The following CLSPN variants were observed in gnomAD, a reference collection of about 807,000 sequenced individuals.
CLSPN encodes claspin.
CLSPN carries 85 observed loss-of-function variants against 156.3 expected under a neutral mutation model. That is an observed-to-expected ratio of 0.54 (90% CI 0.46 to 0.65). The LOEUF is 0.65. CLSPN is among the 30% of genes least tolerant of loss of function. CLSPN has a pLI of 0.00. For missense variants in CLSPN, 1,407 were observed against 1,554.9 expected, an observed-to-expected ratio of 0.90 and a Z score of 1.60; for synonymous variants, 534 against 542.4, an observed-to-expected ratio of 0.98 and a Z score of 0.22.
At position 35,753,871 on chromosome 1, in the gene CLSPN, G is replaced by A; in HGVS notation, c.1645C>T (p.Gln549Ter). ...ANPAAKPRAG[Q>*]TVNVNVIVKD... ...ACTATGACGTTCACATTCACTGTCT[G>A]ACCAGCCCTGGGTTTGGCTGCTGGA... is the stretch of plus-strand genomic sequence containing the variant. Residue 549 changes from glutamine to a stop codon, truncating the protein, a stop_gained, in exon 9 of 25, where the codon CAG (glutamine) becomes TAG (stop). Coordinates refer to ENST00000318121, the MANE Select transcript of CLSPN (RefSeq NM_022111.4). LOFTEE classifies it high-confidence loss of function. 3.1e-6 allele frequency: 5 copies of A among 1,614,150 alleles called. No individual in the cohort carries two copies. Among genetic ancestry groups the A allele is most frequent in the Non-Finnish European group, 4.2e-6 (5 of 1,180,030 alleles).
intron 16 of CLSPN, 125 bp from the exon 17 acceptor site, chr1:35,743,655 G>T: frequency 1.5e-6 from 1 of 665,246 alleles, no homozygotes; most frequent in South Asian, 1.9e-5. Context: ...AGACAGTCTT[G>T]GTCTCTTACA....
At chr1:35,720,707 A>G in exon 25 of CLSPN, 1 of 395,820 alleles carries the variant, frequency 2.5e-6, no homozygotes. Flanking sequence ...CGGCCTCCCA[A>G]AGTGCTGGGA....
At position 35,732,460 on chromosome 1, in the gene CLSPN, C is replaced by T. The variant is rs1641341403; in HGVS notation, c.*4036G>A. On this transcript the variant is annotated 3_prime_UTR_variant, in exon 25 of 25. Coordinates refer to ENST00000318121, the MANE Select transcript of CLSPN (RefSeq NM_022111.4). ...GAGGGATGCCACAGAGATCTGAGTA[C>T]CTTGTCTCTAGAGCTTTGGTGAATA... The T allele has an allele frequency of 2.0e-6, 2 of 985,336 alleles. No homozygotes were observed. Among genetic ancestry groups the T allele is most frequent in the Non-Finnish European group, 2.4e-6 (2 of 829,908 alleles). 61.0% of individuals were successfully genotyped at this position (985,336 alleles called of 1,614,324 possible). A position where few individuals can be genotyped will look rare whatever the true frequency, so the allele number is the denominator to read the frequency against.
At position 35,733,469 on chromosome 1, in the gene CLSPN, A is replaced by C. The variant is rs1571187973; in HGVS notation, c.*3027T>G. 4.1e-6 allele frequency: 4 copies of C among 985,096 alleles called. No individual in the cohort carries two copies. The highest frequency in any genetic ancestry group is 4.8e-6 in the Non-Finnish European group (4 of 829,844). 61.0% of individuals were successfully genotyped at this position (985,096 alleles called of 1,614,324 possible). ...CTGAATTTTCTTATCCTCAGTTGTC[A>C]ATTCCAATTGTCTTTTCTATCTCTC... On this transcript the variant is annotated 3_prime_UTR_variant, in exon 25 of 25. Transcript: ENST00000318121.
downstream of CLSPN, among the ~76,000 whole-genome samples, chr1:35,730,407 T>C (rs557194887): frequency 2.1e-4 from 32 of 151,264 alleles, no homozygotes; most frequent in Non-Finnish European, 4.1e-4. Context: ...AGCTGGGCAC[T>C]AAAAACACAA....
Position 35,736,048 on chromosome 1 carries a change from T to C in CLSPN, c.*448A>G, listed in dbSNP as rs559936651. 6.5e-4 allele frequency: 416 copies of C among 639,684 alleles called. 1 individual carries two copies. Among genetic ancestry groups the C allele is most frequent in the Middle Eastern group, 7.8e-4 (1 of 1,284 alleles). The allele number at this position is 639,684 out of a possible 1,614,324, so 39.6% of individuals were successfully genotyped here. On this transcript the variant is annotated 3_prime_UTR_variant, in exon 25 of 25. Coordinates refer to ENST00000318121, the MANE Select transcript of CLSPN (RefSeq NM_022111.4). Reference sequence around the variant, plus strand: ...GCCTGGCCAACATGGTGAAACCCCGTCTCTACTAAAAATACAAAAATTAGC... The same window carrying C: ...GCCTGGCCAACATGGTGAAACCCCGCCTCTACTAAAAATACAAAAATTAGC...
At position 35,739,665 on chromosome 1, in the gene CLSPN, AAT is replaced by A. The variant is rs1641624932; in HGVS notation, c.3144-138_3144-137del. The A allele has an allele frequency of 4.9e-6, 3 of 614,810 alleles. No homozygotes were observed. In the Admixed American group the frequency reaches 1.1e-4, roughly 22 times the overall value. The allele number at this position is 614,810 out of a possible 1,614,324, so 38.1% of individuals were successfully genotyped here. A position where few individuals can be genotyped will look rare whatever the true frequency, so the allele number is the denominator to read the frequency against. On this transcript the variant is annotated intron_variant, in intron 18 of 24. Coordinates refer to ENST00000318121, the MANE Select transcript of CLSPN (RefSeq NM_022111.4). ...TTTGATAATATTTAAATTTTTTTGT[AAT>A]AGTCTCCACTTATGATGGTTTGACT... is the stretch of plus-strand genomic sequence containing the variant.
chr1:35,725,738 G>A (rs1641168246), intron 24 of CLSPN, among the ~76,000 whole-genome samples: 1 of 152,192 alleles, frequency 6.6e-6, no homozygotes, highest in South Asian at 2.1e-4. Flanking sequence ...GGGGAGCTGG[G>A]TGTATAAACC....
rs957165723 is a variant in CLSPN, at chr1:35,748,136, T to C, written c.2473-75A>G. ...GTCATTGTCATGACAACCACAAAAG[T>C]TGCTATTTGCAATATTTAAGCTACT... On this transcript the variant is annotated intron_variant, in intron 13 of 24. Transcript: ENST00000318121. 31 of 1,516,804 alleles carry C rather than the reference T, an allele frequency of 2.0e-5. 1 individual carries two copies. Among genetic ancestry groups the C allele is most frequent in the South Asian group, 1.9e-4 (15 of 79,846 alleles). 94.0% of individuals were successfully genotyped at this position (1,516,804 alleles called of 1,614,324 possible).
At chr1:35,744,588 G>A (rs1641810637) in intron 16 of CLSPN, among the ~76,000 whole-genome samples, 1 of 152,102 alleles carries the variant, frequency 6.6e-6, no homozygotes, top group South Asian at 2.1e-4. Context: ...GAGCCACCAT[G>A]CCCAGCCAGA....
chr1:35,750,411 T>C (rs1176785231), intron 10 of CLSPN, among the ~76,000 whole-genome samples: 1 of 151,526 alleles, frequency 6.6e-6, no homozygotes, highest in East Asian at 1.9e-4. Context: ...TTTTTTTTTT[T>C]CTTTTTTTGA....
downstream of CLSPN, among the ~76,000 whole-genome samples, chr1:35,731,728 A>G (rs1338535725): frequency 6.6e-6 from 1 of 152,202 alleles, no homozygotes; most frequent in Admixed American, 6.5e-5. Flanking sequence ...TTGTCTGATT[A>G]CAGGATTAAA....
At chr1:35,761,827 A>G (rs1182443817) in intron 6 of CLSPN, among the ~76,000 whole-genome samples, 171 bp downstream of exon 6, 1 of 152,202 alleles carries the variant, frequency 6.6e-6, no homozygotes, top group East Asian at 1.9e-4. Flanking sequence ...AGTTTATACT[A>G]ATGTTCCAAG....
At chr1:35,720,818 A>T in exon 25 of CLSPN, 2 of 1,076,590 alleles carry the variant, frequency 1.9e-6, no homozygotes, top group Non-Finnish European at 2.8e-6. Context: ...CCACAGAGCC[A>T]TAAAGTCATC....
chr1:35,748,179 G>A, intron 13 of CLSPN, 118 bp from the exon 14 acceptor site: 2 of 1,192,260 alleles, frequency 1.7e-6, no homozygotes, highest in Non-Finnish European at 2.4e-6. Context: ...AATTGTAGTT[G>A]AGGGGGACAA....
Position 35,736,220 on chromosome 1 carries a change from A to T in CLSPN, c.*276T>A. 2 of 543,102 alleles carry T rather than the reference A, an allele frequency of 3.7e-6. No homozygotes were observed. Among genetic ancestry groups the T allele is most frequent in the East Asian group, 1.2e-4 (1 of 8,118 alleles). The allele number at this position is 543,102 out of a possible 1,614,324, so 33.6% of individuals were successfully genotyped here. A position where few individuals can be genotyped will look rare whatever the true frequency, so the allele number is the denominator to read the frequency against. Reference sequence around the variant, plus strand: ...GCAACAGAGTGAGACTCCCATCTTAAAAAAAAAAAAAAAAAGGAAACCTCA... The same window carrying T: ...GCAACAGAGTGAGACTCCCATCTTATAAAAAAAAAAAAAAAGGAAACCTCA... On this transcript the variant is annotated 3_prime_UTR_variant, in exon 25 of 25. Transcript: ENST00000318121.
chr1:35,765,805 C>T (rs1189247427), intron 1 of CLSPN, among the ~76,000 whole-genome samples: 6 of 152,032 alleles, frequency 3.9e-5, no homozygotes, highest in African/African-American at 7.2e-5. Flanking sequence ...AATAGAAGTA[C>T]CCAATACTAG....
chr1:35,766,372 A>T (rs1642675071), intron 1 of CLSPN, among the ~76,000 whole-genome samples: 2 of 152,144 alleles, frequency 1.3e-5, no homozygotes, highest in African/African-American at 4.8e-5. Flanking sequence ...CACATAAGTG[A>T]ATGTATATAT....
chr1:35,731,016 A>C (rs574943320), downstream of CLSPN, among the ~76,000 whole-genome samples: 1 of 152,064 alleles, frequency 6.6e-6, no homozygotes, highest in Non-Finnish European at 1.5e-5. Context: ...CCTGACCAAC[A>C]TAGTGAAACC....
Sources: gnomAD v4.1 joint callset for allele counts (sites outside exome capture counted in the v4.1 genomes callset) on GRCh38, gnomAD v4.1.1 for gene constraint, MANE v1.5 for transcripts, NCBI Gene and HGNC (gene_info 2026-07-23, HGNC 2026-07-21) for gene names.